The following GNB3 variants were observed in gnomAD, a reference collection of about 807,000 sequenced individuals.
GNB3 encodes G protein subunit beta 3.
A neutral mutation model predicts 41.2 loss-of-function variants in GNB3; 33 were observed. The observed-to-expected ratio is 0.80, with a 90% CI of 0.61 to 1.07. The LOEUF is 1.07. Ranked by LOEUF, GNB3 falls within the 50% of genes least tolerant of loss-of-function variation. GNB3 has a pLI of 0.00. For synonymous variants in GNB3, 172 were observed against 173.4 expected (o/e 0.99, Z 0.06); for missense variants, 409 against 455.3 (o/e 0.90, Z 0.92).
At chr12:6,841,680 C>A in intron 3 of GNB3, 56 bp downstream of exon 3, 1 of 1,325,270 alleles carries the variant, frequency 7.5e-7, no homozygotes, top group African/African-American at 1.4e-5. Context: ...AGGGAGCTCC[C>A]CGACCCGCAA....
At chr12:6,845,456 A>G (rs1943667816) in intron 8 of GNB3, 130 bp from the exon 9 acceptor site, 4 of 654,468 alleles carry the variant, frequency 6.1e-6, no homozygotes, top group Non-Finnish European at 1.1e-5. Flanking sequence ...ACCCCAAACC[A>G]AGGGAGGGAC....
In GNB3 at chr12:6,843,299, C is replaced by T. The variant is rs1943611311; in HGVS notation, c.267+62C>T. 6.2e-7 allele frequency: 1 copy of T among 1,609,818 alleles called. No homozygotes were observed. Among genetic ancestry groups the T allele is most frequent in the East Asian group, 2.2e-5 (1 of 44,828 alleles). ...TCCTTCCTAAGGGCGCCATGCCTAC[C>T]CTCCTGTGCCCAGCTGGGAGCTTGG... On this transcript the variant is annotated intron_variant, in intron 5 of 9. Coordinates refer to ENST00000229264, the MANE Select transcript of GNB3 (RefSeq NM_002075.4). This position sits in a 1 kb window ranked among gnomAD's most constrained non-coding sequence, Gnocchi z 5.9.
rs781817983 is a variant in GNB3 at position 6,843,696 on chromosome 12, G to T, written c.495G>T (p.Thr165=). 6.2e-7 allele frequency: 1 copy of T among 1,613,984 alleles called. No individual in the cohort carries two copies. The part of the protein sequence containing the change: ...NNIVTSSGDT[T]CALWDIETGQ... ...TTGTGACCAGCTCGGGGGACACCACGTGGTGAGGCTGAACATTGCTGGTGC... is the reference window on the plus strand; with the variant it reads ...TTGTGACCAGCTCGGGGGACACCACTTGGTGAGGCTGAACATTGCTGGTGC... Residue 165 remains threonine, a splice_region_variant and synonymous_variant, in exon 7 of 10, where the codon ACG becomes ACT. Transcript: ENST00000229264. This position sits in a 1 kb window ranked among gnomAD's most constrained non-coding sequence, Gnocchi z 5.9.
At position 6,845,706 on chromosome 12, in the gene GNB3, ACG is replaced by A; in HGVS notation, c.821_822del (p.Thr274IlefsTer29). 6.2e-7 allele frequency: 1 copy of A among 1,614,104 alleles called. No individual in the cohort carries two copies. The highest frequency in any genetic ancestry group is 8.5e-7 in the Non-Finnish European group (1 of 1,179,984). The stretch of plus-strand genomic sequence containing the variant: ...CCACGAGAGCATCATCTGCGGCATC[ACG>A]TCCGTGGCCTTCTCCCTCAGTGGCC... The part of the protein sequence containing the change: ...FSHESIICGI[T>X]SVAFSLSGRL... On this transcript the variant is annotated frameshift_variant, in exon 9 of 10. Coordinates refer to ENST00000229264, the MANE Select transcript of GNB3 (RefSeq NM_002075.4). LOFTEE classifies it high-confidence loss of function.
In GNB3 at chr12:6,845,581, C is replaced by A; in HGVS notation, c.700-5C>A. 1 of 1,604,048 alleles carries A rather than the reference C, an allele frequency of 6.2e-7. No homozygotes were observed. Among genetic ancestry groups the A allele is most frequent in the Non-Finnish European group, 8.5e-7 (1 of 1,175,266 alleles). On this transcript the variant is annotated splice_region_variant and splice_polypyrimidine_tract_variant and intron_variant, in intron 8 of 9. Transcript: ENST00000229264. ...CCCTGACCCACTTGCCACCCGTGCC[C>A]TCAGTTCTTCCCCAATGGAGAGGCC... is the stretch of plus-strand genomic sequence containing the variant.
chr12:6,845,396 G>A, intron 8 of GNB3, 190 bp from the exon 9 acceptor site: 1 of 599,418 alleles, frequency 1.7e-6, no homozygotes, highest in Non-Finnish European at 3.0e-6. Context: ...GCGGGCGAGG[G>A]GCATAGGGAA....
intron 9 of GNB3, chr12:6,846,006 C>T (rs1943689581): frequency 1.7e-6 from 1 of 580,706 alleles, no homozygotes; most frequent in Admixed American, 2.9e-5. Context: ...AGCAGCCTCT[C>T]TCCACTGCCC....
At chr12:6,842,328 C>G (rs1480935592) in intron 3 of GNB3, among the ~76,000 whole-genome samples, 4 of 152,144 alleles carry the variant, frequency 2.6e-5, no homozygotes, top group Non-Finnish European at 5.9e-5. Flanking sequence ...GTGAAAGGAT[C>G]ACTTGAGCTC....
intron 8 of GNB3, chr12:6,845,203 A>C (rs1232624092): frequency 5.4e-6 from 1 of 183,602 alleles, no homozygotes; most frequent in Non-Finnish European, 1.1e-5. Flanking sequence ...GCTCGCCGTG[A>C]GATCCAGGCC....
At chr12:6,841,777 A>T in intron 3 of GNB3, 153 bp downstream of exon 3, 1 of 719,646 alleles carries the variant, frequency 1.4e-6, no homozygotes, top group South Asian at 1.5e-5. Context: ...TTTTAGCGGG[A>T]CCTGCTCTGA....
chr12:6,843,510 C>T lies in GNB3; in HGVS notation c.415C>T (p.Leu139Phe). 1.2e-6 allele frequency: 2 copies of T among 1,614,198 alleles called. No homozygotes were observed. The highest frequency in any genetic ancestry group is 1.7e-6 in the Non-Finnish European group (2 of 1,180,012). The change falls in exon 6 of 10, where the codon CTT becomes TTT. Residue 139 changes from leucine to phenylalanine, a missense_variant. Transcript: ENST00000229264. This position sits in a 1 kb window ranked among gnomAD's most constrained non-coding sequence, Gnocchi z 5.9. Reference protein sequence around the residue: ...REGNVKVSRELSAHTGYLSCC... With the variant: ...REGNVKVSREFSAHTGYLSCC... Reference sequence around the variant, plus strand: ...GGGCAATGTCAAGGTCAGCCGGGAGCTTTCTGCTCACACAGGTGAGGGAGA... The same window carrying T: ...GGGCAATGTCAAGGTCAGCCGGGAGTTTTCTGCTCACACAGGTGAGGGAGA...
rs148781450 is a variant in GNB3 at position 6,846,025 on chromosome 12, G to A, written c.916+223G>A. 59 of 555,812 alleles carry A rather than the reference G, an allele frequency of 1.1e-4. No homozygotes were observed. In the East Asian group the frequency reaches 1.6e-3, roughly 15 times the overall value. 34.4% of individuals were successfully genotyped at this position (555,812 alleles called of 1,614,324 possible). On this transcript the variant is annotated intron_variant, in intron 9 of 9. Transcript: ENST00000229264. ...GCCTCTCTCCACTGCCCAATGCCAT[G>A]ACTGCTCCCTGCCCTAGGAGATCTG...
At position 6,843,319 on chromosome 12, in the gene GNB3, G is replaced by T. The variant is rs782114173; in HGVS notation, c.268-44G>T. 2.5e-6 allele frequency: 4 copies of T among 1,612,268 alleles called. No homozygotes were observed. Among genetic ancestry groups the T allele is most frequent in the South Asian group, 1.1e-5 (1 of 91,060 alleles). ...CCTACCCTCCTGTGCCCAGCTGGGA[G>T]CTTGGCTCCGGTCCCATCTCTGCTC... On this transcript the variant is annotated intron_variant, in intron 5 of 9. Transcript: ENST00000229264. This position sits in a 1 kb window ranked among gnomAD's most constrained non-coding sequence, Gnocchi z 5.9.
In GNB3 at chr12:6,843,821, T is replaced by G. The variant is rs1943624536; in HGVS notation, c.542T>G (p.Val181Gly). 1 of 1,614,166 alleles carries G rather than the reference T, an allele frequency of 6.2e-7. No individual in the cohort carries two copies. Among genetic ancestry groups the G allele is most frequent in the Admixed American group, 1.7e-5 (1 of 60,024 alleles). ...ACTGGGCAGCAGAAGACTGTATTTGTGGGACACACGGGTGACTGCATGAGC... is the reference window on the plus strand; with the variant it reads ...ACTGGGCAGCAGAAGACTGTATTTGGGGGACACACGGGTGACTGCATGAGC... ...IETGQQKTVF[V>G]GHTGDCMSLA... Residue 181 changes from valine (V) to glycine (G), a missense_variant, in exon 8 of 10, where the codon GTG becomes GGG. Coordinates refer to ENST00000229264, the MANE Select transcript of GNB3 (RefSeq NM_002075.4). This position sits in a 1 kb window ranked among gnomAD's most constrained non-coding sequence, Gnocchi z 5.9.
rs782683995 is a variant in GNB3 at position 6,845,526 on chromosome 12, G to A, written c.700-60G>A. On this transcript the variant is annotated intron_variant, in intron 8 of 9. Transcript: ENST00000229264. Reference sequence around the variant, plus strand: ...AGCTGTCAGGTGGGAGGCAGAGGGCGGGAGAGGCTGTGGGCTGCCCAGGTC... The same window carrying A: ...AGCTGTCAGGTGGGAGGCAGAGGGCAGGAGAGGCTGTGGGCTGCCCAGGTC... 6.0e-5 allele frequency: 70 copies of A among 1,166,314 alleles called. No individual in the cohort carries two copies. The African/African-American group carries it at 8.4e-4, about 14-fold the overall frequency. The allele number at this position is 1,166,314 out of a possible 1,614,324, so 72.2% of individuals were successfully genotyped here.
chr12:6,841,736 G>A (rs1440344185), intron 3 of GNB3, 112 bp downstream of exon 3: 7 of 788,408 alleles, frequency 8.9e-6, no homozygotes, highest in African/African-American at 6.9e-5. Context: ...TTGGAGTGAG[G>A]AAACCCATTA....
chr12:6,846,224 G>C (rs1426080622), intron 9 of GNB3: 1 of 188,518 alleles, frequency 5.3e-6, no homozygotes, highest in African/African-American at 2.3e-5. Flanking sequence ...AAGTTGGTCA[G>C]ATAGGATGGC....
intron 9 of GNB3, chr12:6,846,152 A>G (rs964859663): frequency 3.3e-6 from 1 of 300,762 alleles, no homozygotes; most frequent in Admixed American, 4.6e-5. Flanking sequence ...GGCAGAATCA[A>G]GGAGATCTGG....
In GNB3 at chr12:6,841,640, C is replaced by A; in HGVS notation, c.96+16C>A. ...TCTGGCAGAGGTAAGACCCCCTGTC[C>A]CCCGGAAGGCAGGGCATGGGGGGAG... On this transcript the variant is annotated intron_variant, in intron 3 of 9. Transcript: ENST00000229264. 1 of 1,603,882 alleles carries A rather than the reference C, an allele frequency of 6.2e-7. No homozygotes were observed. Among genetic ancestry groups the A allele is most frequent in the Non-Finnish European group, 8.5e-7 (1 of 1,172,002 alleles).
Sources: allele counts gnomAD v4.1 joint callset (sites outside exome capture counted in the v4.1 genomes callset), GRCh38; gene constraint gnomAD v4.1.1; non-coding constraint Gnocchi (gnomAD v3.1); transcripts MANE v1.5; gene names NCBI Gene and HGNC (gene_info 2026-07-23, HGNC 2026-07-21).